PLCB1: variants seen among roughly 807,000 people sequenced by gnomAD.
PLCB1 encodes phospholipase C beta 1, also known as 1-phosphatidylinositol 4,5-bisphosphate phosphodiesterase beta-1.
PLCB1 carries 46 observed loss-of-function variants against 161.8 expected under a neutral mutation model. That is an observed-to-expected ratio of 0.28 (90% confidence interval 0.22 to 0.36). PLCB1 has a LOEUF of 0.36. Among genes scored for constraint, PLCB1 ranks in the 10% least tolerant of loss-of-function variants. PLCB1 has a pLI of 1.00. For synonymous variants in PLCB1, 517 were observed against 503.7 expected (o/e 1.03, Z -0.35); for missense variants, 1,016 against 1,472.5 (o/e 0.69, Z 5.07).
At chr20:8,585,150 G>A (rs1986951388) in intron 3 of PLCB1, among the ~76,000 whole-genome samples, 1 of 152,100 alleles carries the variant, frequency 6.6e-6, no homozygotes, top group South Asian at 2.1e-4. Context: ...ACTTTTGGGG[G>A]GCAAAATGCT....
intron 2 of PLCB1, among the ~76,000 whole-genome samples, chr20:8,214,409 C>T (rs1360775037): frequency 6.6e-6 from 1 of 152,112 alleles, no homozygotes; most frequent in African/African-American, 2.4e-5. Context: ...TCTTTTGCTC[C>T]TGCTCCCACC....
chr20:8,401,043 C>G (rs1253730772), intron 3 of PLCB1, among the ~76,000 whole-genome samples: 1 of 152,124 alleles, frequency 6.6e-6, no homozygotes, highest in East Asian at 1.9e-4. Flanking sequence ...CATACTCTTG[C>G]CAACACCATG....
intron 2 of PLCB1, among the ~76,000 whole-genome samples, chr20:8,340,153 C>T (rs1305012911): frequency 3.3e-5 from 5 of 152,146 alleles, no homozygotes; most frequent in Admixed American, 3.3e-4. Flanking sequence ...GTGAAATACC[C>T]TCCTGGGAAC....
At chr20:8,729,252 G>A in intron 18 of PLCB1, 78 bp downstream of exon 18, 1 of 1,304,818 alleles carries the variant, frequency 7.7e-7, no homozygotes, top group East Asian at 2.7e-5. Context: ...ATAATTGGGG[G>A]AGAGAAAATT....
At chr20:8,729,581 T>G (rs1430351105) in intron 18 of PLCB1, 2 of 153,564 alleles carry the variant, frequency 1.3e-5, no homozygotes, top group Non-Finnish European at 2.9e-5. Context: ...ATAAATGCTT[T>G]TTTTATGTAA....
chr20:8,684,060 A>T (rs1019480198), intron 9 of PLCB1, among the ~76,000 whole-genome samples: 3 of 150,496 alleles, frequency 2.0e-5, no homozygotes, highest in Non-Finnish European at 4.4e-5. Context: ...ATTTTTCTGT[A>T]TTTTTAGTAG....
At chr20:8,263,736 C>T (rs1397635589) in intron 2 of PLCB1, among the ~76,000 whole-genome samples, 3 of 152,134 alleles carry the variant, frequency 2.0e-5, no homozygotes, top group Middle Eastern at 3.4e-3. Context: ...TGTATGTAAA[C>T]ATAGAAAAGG....
At chr20:8,837,555 G>A (rs963023157) in intron 31 of PLCB1, among the ~76,000 whole-genome samples, 3 of 152,168 alleles carry the variant, frequency 2.0e-5, no homozygotes, top group African/African-American at 7.2e-5. Context: ...GGGCCAGAAG[G>A]TCACCCACAG....
chr20:8,544,989 T>C (rs1834488995), intron 3 of PLCB1, among the ~76,000 whole-genome samples: 1 of 152,172 alleles, frequency 6.6e-6, no homozygotes, highest in Admixed American at 6.5e-5. Context: ...CATGGAAGGA[T>C]ACACAAAGAT....
chr20:8,535,105 TA>T (rs10560220), intron 3 of PLCB1, among the ~76,000 whole-genome samples: 299 of 108,292 alleles, frequency 2.8e-3, no homozygotes, highest in South Asian at 7.0e-3. Context: ...AGTTTTAAAG[TA>T]AAAAAAAAAA....
intron 31 of PLCB1, among the ~76,000 whole-genome samples, chr20:8,806,599 C>G (rs1984551770): frequency 6.6e-6 from 1 of 152,154 alleles, no homozygotes; most frequent in Admixed American, 6.5e-5. Context: ...CCTCTTAAGT[C>G]TGTCTCTTGC....
chr20:8,365,423 G>A (rs901462171), intron 2 of PLCB1, among the ~76,000 whole-genome samples: 1 of 152,072 alleles, frequency 6.6e-6, no homozygotes, highest in African/African-American at 2.4e-5. Flanking sequence ...CTTACTGTGG[G>A]TCTCCACTGA....
At position 8,196,914 on chromosome 20, in the gene PLCB1, C is replaced by T. The variant is rs534851664; in HGVS notation, c.177+46543C>T. 1.7e-3 allele frequency among the ~76,000 whole-genome samples: 254 copies of T among 151,522 alleles called. 2 individuals are homozygous for T. The highest frequency in any genetic ancestry group is 4.0e-3 in the African/African-American group (163 of 41,258). On this transcript the variant is annotated intron_variant, in intron 2 of 31. Transcript: ENST00000338037. ...ATTCCCACCTGTGAGTGAGAACATG[C>T]GGTGTTTGGTTTTTTGTCCTTGAGA...
chr20:8,150,232 T>C (rs1444329872), intron 1 of PLCB1, 62 bp from the exon 2 acceptor site: 3 of 721,226 alleles, frequency 4.2e-6, no homozygotes, highest in Admixed American at 2.6e-5. Context: ...CTTAAATAAC[T>C]CCTGGATAGA....
In PLCB1 at chr20:8,399,082, TC is replaced by T. The variant is rs200978118; in HGVS notation, c.246+27633del. On this transcript the variant is annotated intron_variant, in intron 3 of 31. Transcript: ENST00000338037. The stretch of plus-strand genomic sequence containing the variant: ...TTATAAAGAAAATTCACCTATAGCT[TC>T]TTTTTTTTTTTCTAGTATGACTTCG... 4.8e-3 allele frequency among the ~76,000 whole-genome samples: 717 copies of T among 149,760 alleles called. 7 individuals carry two copies. The highest frequency in any genetic ancestry group is 0.015 in the East Asian group (76 of 5,152).
At chr20:8,658,852 G>T in intron 9 of PLCB1, 148 bp downstream of exon 9, 1 of 633,882 alleles carries the variant, frequency 1.6e-6, no homozygotes. Flanking sequence ...TGGTGGTTCA[G>T]TGCACTAGGT....
intron 18 of PLCB1, 68 bp from the exon 19 acceptor site, chr20:8,733,170 T>C: frequency 6.6e-7 from 1 of 1,513,964 alleles, no homozygotes. Context: ...CAACTTTACT[T>C]TACAATCTTA....
At chr20:8,260,841 A>G (rs1041051108) in intron 2 of PLCB1, among the ~76,000 whole-genome samples, 2 of 152,122 alleles carry the variant, frequency 1.3e-5, no homozygotes, top group Non-Finnish European at 2.9e-5. Context: ...GTTACTAGAA[A>G]CTCATAGCTG....
chr20:8,528,784 C>T (rs1002285444), intron 3 of PLCB1, among the ~76,000 whole-genome samples: 3 of 151,758 alleles, frequency 2.0e-5, no homozygotes, highest in Admixed American at 1.3e-4. Flanking sequence ...ATGACCAATA[C>T]TAGATAATAC....
Sources: gnomAD v4.1 joint callset for allele counts (sites outside exome capture counted in the v4.1 genomes callset) on GRCh38, gnomAD v4.1.1 for gene constraint, MANE v1.5 for transcripts, NCBI Gene and HGNC (gene_info 2026-07-23, HGNC 2026-07-21) for gene names.